SETX: variants seen among roughly 807,000 people sequenced by gnomAD.
SETX encodes the protein senataxin, also known as helicase senataxin.
A neutral mutation model predicts 227.2 loss-of-function variants in SETX; 90 were observed. The ratio of observed to expected loss-of-function variants is 0.40; its 90% confidence interval spans 0.33 to 0.47. The LOEUF (loss-of-function observed/expected upper bound fraction) is 0.47, where lower values mean the gene tolerates loss of function less well. Ranked by LOEUF, SETX falls within the 20% of genes least tolerant of loss-of-function variation. The pLI, the probability that SETX is intolerant of heterozygous loss-of-function variation, is 0.91. For missense variants in SETX, 3,052 were observed against 3,181.5 expected, an observed-to-expected ratio of 0.96 and a Z score of 0.98; for synonymous variants, 1,210 against 1,113.2, an observed-to-expected ratio of 1.09 and a Z score of -1.73.
intron 7 of SETX, among the ~76,000 whole-genome samples, chr9:132,334,024 T>C (rs376481006): frequency 6.6e-6 from 1 of 151,970 alleles, no homozygotes; most frequent in African/African-American, 2.4e-5. Context: ...TACCCCACAA[T>C]GTTAACCACA....
At chr9:132,320,718 T>C (rs1846271675) in intron 10 of SETX, among the ~76,000 whole-genome samples, 2 of 151,664 alleles carry the variant, frequency 1.3e-5, no homozygotes, top group Non-Finnish European at 2.9e-5. Context: ...AAGAAAGGTG[T>C]AACTTCAAAG....
Position 132,342,816 on chromosome 9 carries a change from A to G in SETX, c.389-17T>C. ...ATAACTCGTCTAAAAAGAAAAAAATAAGTAAAATACATAAATCTTATCACC... is the reference window on the plus strand; with the variant it reads ...ATAACTCGTCTAAAAAGAAAAAAATGAGTAAAATACATAAATCTTATCACC... On this transcript the variant is annotated splice_polypyrimidine_tract_variant and intron_variant, in intron 4 of 25. Transcript: ENST00000224140. The G allele has an allele frequency of 6.5e-7, 1 of 1,544,758 alleles. No individual in the cohort carries two copies. The highest frequency in any genetic ancestry group is 8.9e-7 in the Non-Finnish European group (1 of 1,118,340).
intron 11 of SETX, among the ~76,000 whole-genome samples, chr9:132,307,796 G>A (rs1845420035): frequency 1.3e-5 from 2 of 150,302 alleles, no homozygotes; most frequent in Admixed American, 6.6e-5. Flanking sequence ...CTCCTGCCCC[G>A]GCCTCCCTAG....
At position 132,283,564 on chromosome 9, in the gene SETX, G is replaced by A. The variant is rs1382104173; in HGVS notation, c.6397-151C>T. The A allele has an allele frequency of 7.7e-6, 7 of 904,726 alleles. No individual in the cohort carries two copies. The East Asian group carries it at 1.1e-4, about 14-fold the overall frequency. The allele number at this position is 904,726 out of a possible 1,614,324, so 56.0% of individuals were successfully genotyped here. A position where few individuals can be genotyped will look rare whatever the true frequency, so the allele number is the denominator to read the frequency against. On this transcript the variant is annotated intron_variant, in intron 18 of 25. Coordinates refer to ENST00000224140, the MANE Select transcript of SETX (RefSeq NM_015046.7). ...AAGTTAGGGGAAACCCTCAAATCTA[G>A]GAAACAGCAGAAACATTTAAGATAA...
intron 7 of SETX, among the ~76,000 whole-genome samples, chr9:132,333,396 A>AT (rs1400505311): frequency 4.9e-5 from 2 of 41,024 alleles, no homozygotes; most frequent in South Asian, 7.3e-4. Context: ...AAAAAAAAAA[A>AT]AGAAAAAAAA....
chr9:132,297,365 C>G (rs944420093), intron 13 of SETX, among the ~76,000 whole-genome samples: 1 of 152,202 alleles, frequency 6.6e-6, no homozygotes, highest in African/African-American at 2.4e-5. Context: ...TAATCCACAA[C>G]TTTTCTTCTA....
intron 20 of SETX, among the ~76,000 whole-genome samples, chr9:132,280,860 G>A (rs1004830148): frequency 6.6e-6 from 1 of 152,090 alleles, no homozygotes; most frequent in African/African-American, 2.4e-5. Context: ...GAGAAGAGTA[G>A]ACTACAGTCT....
intron 22 of SETX, among the ~76,000 whole-genome samples, chr9:132,276,067 C>T (rs550973299): frequency 1.3e-5 from 2 of 152,240 alleles, no homozygotes; most frequent in African/African-American, 2.4e-5. Flanking sequence ...ATGACCATAC[C>T]GGACCCAAAA....
chr9:132,335,613 G>C (rs1275877476), intron 6 of SETX, among the ~76,000 whole-genome samples: 3 of 151,728 alleles, frequency 2.0e-5, no homozygotes, highest in Non-Finnish European at 4.4e-5. Context: ...AAGATGCTGG[G>C]ACTACAGGCG....
At position 132,271,702 on chromosome 9, in the gene SETX, T is replaced by C. The variant is rs747893697; in HGVS notation, c.7199+8A>G. 1 of 1,600,824 alleles carries C rather than the reference T, an allele frequency of 6.2e-7. No homozygotes were observed. The highest frequency in any genetic ancestry group is 8.5e-7 in the Non-Finnish European group (1 of 1,173,032). ...AAGTATAAAAGAGCAACAATGACAG[T>C]AACTCACCCAATTGAACCTTGGATG... On this transcript the variant is annotated splice_region_variant and intron_variant, in intron 24 of 25. Coordinates refer to ENST00000224140, the MANE Select transcript of SETX (RefSeq NM_015046.7).
intron 4 of SETX, among the ~76,000 whole-genome samples, chr9:132,345,510 G>A (rs1375046726): frequency 6.6e-6 from 1 of 152,174 alleles, no homozygotes; most frequent in Admixed American, 6.5e-5. Context: ...CTGACCTCAG[G>A]TGCTCTGCCT....
chr9:132,277,400 G>A (rs966490776), intron 21 of SETX, among the ~76,000 whole-genome samples: 1 of 152,126 alleles, frequency 6.6e-6, no homozygotes, highest in Non-Finnish European at 1.5e-5. Context: ...TCATAATAGA[G>A]TAAGCCACAG....
intron 5 of SETX, among the ~76,000 whole-genome samples, chr9:132,339,444 C>A (rs1046547601): frequency 6.6e-6 from 1 of 152,138 alleles, no homozygotes; most frequent in Non-Finnish European, 1.5e-5. Context: ...CAGAGCAAGA[C>A]CCTGTCTCAA....
At chr9:132,310,351 G>C (rs1845578565) in intron 11 of SETX, among the ~76,000 whole-genome samples, 2 of 152,206 alleles carry the variant, frequency 1.3e-5, no homozygotes. Context: ...ATTATTTACT[G>C]AAGTTGAACT....
chr9:132,282,952 A>G (rs1485208827), intron 19 of SETX: 2 of 386,060 alleles, frequency 5.2e-6, no homozygotes, highest in African/African-American at 4.1e-5. Context: ...AAGCTATCCA[A>G]AATTATATTA....
chr9:132,311,447 C>T (rs539600483), intron 11 of SETX, among the ~76,000 whole-genome samples: 18 of 152,122 alleles, frequency 1.2e-4, no homozygotes, highest in Non-Finnish European at 2.5e-4. Context: ...AAGATTTACT[C>T]AGAATCTGTA....
At chr9:132,307,259 A>G (rs1176989526) in intron 11 of SETX, among the ~76,000 whole-genome samples, 1 of 151,880 alleles carries the variant, frequency 6.6e-6, no homozygotes, top group African/African-American at 2.4e-5. Context: ...GTCTCAAAAA[A>G]ATAATAATAA....
chr9:132,326,703 T>G lies in SETX; in HGVS notation c.4895A>C (p.Gln1632Pro). ...TGGCTGTGGTACTTTCAAAATCGAC[T>G]GTATCCCCTTTGACTTATTTTTTAG... ...PSLKNKSKGI[Q>P]SILKVPQPVP... The change falls in exon 10 of 26, where the codon CAG becomes CCG. Residue 1632 changes from glutamine (Q) to proline (P), a missense_variant. By Grantham distance (76) the Gln-to-Pro change is moderately conservative. Around this residue, in one of 10 missense-constraint regions of SETX, gnomAD observed 1,483 missense variants for 1,312.0 expected, o/e 1.13. Transcript: ENST00000224140. 6.2e-7 allele frequency: 1 copy of G among 1,614,234 alleles called. No homozygotes were observed. The highest frequency in any genetic ancestry group is 2.2e-5 in the East Asian group (1 of 44,888).
intron 4 of SETX, 126 bp downstream of exon 4, chr9:132,346,135 T>C (rs1449806217): frequency 6.5e-6 from 5 of 764,446 alleles, no homozygotes; most frequent in Admixed American, 2.8e-5. Flanking sequence ...GGAAAAAAAA[T>C]GAAGTCCTAA....
Sources: gnomAD v4.1 joint callset for allele counts (sites outside exome capture counted in the v4.1 genomes callset) on GRCh38, gnomAD v4.1.1 for gene constraint, gnomAD v4.1.1 regional missense constraint, MANE v1.5 for transcripts, NCBI Gene and HGNC (gene_info 2026-07-23, HGNC 2026-07-21) for gene names.